The following UBE2H variants were observed in gnomAD, a reference collection of about 807,000 sequenced individuals.
The protein encoded by UBE2H is ubiquitin conjugating enzyme E2 H.
In UBE2H, 3 loss-of-function variants were observed where a neutral mutation model predicts 29.0. The ratio of observed to expected loss-of-function variants is 0.10; its 90% CI spans 0.05 to 0.27. UBE2H has a LOEUF of 0.27. Among genes scored for constraint, UBE2H ranks in the 10% least tolerant of loss-of-function variants. The pLI is 1.00. For missense variants in UBE2H, 68 were observed against 228.2 expected (o/e 0.30, Z 4.52); for synonymous variants, 69 against 82.9 (o/e 0.83, Z 0.91).
chr7:129,942,436 G>A (rs1313110376), intron 1 of UBE2H, among the ~76,000 whole-genome samples: 4 of 152,046 alleles, frequency 2.6e-5, no homozygotes, highest in African/African-American at 4.8e-5. Context: ...GCAGTGAGCC[G>A]AGATCATGCC....
intron 5 of UBE2H, among the ~76,000 whole-genome samples, chr7:129,844,066 C>A (rs1805472433): frequency 6.6e-6 from 1 of 152,178 alleles, no homozygotes; most frequent in African/African-American, 2.4e-5. Context: ...TTGTTCCAAA[C>A]AAATAAAAGA....
chr7:129,947,571 T>C (rs920590769), intron 1 of UBE2H, among the ~76,000 whole-genome samples: 17 of 152,224 alleles, frequency 1.1e-4, no homozygotes, highest in African/African-American at 4.1e-4. Context: ...GCTACATATT[T>C]TAATATTTTA....
chr7:129,836,276 T>C (rs575170263), intron 6 of UBE2H, among the ~76,000 whole-genome samples: 58 of 152,344 alleles, frequency 3.8e-4, no homozygotes, highest in African/African-American at 1.3e-3. Flanking sequence ...TTTTTGACAC[T>C]AGAATTTGAT....
chr7:129,912,801 T>C (rs1028693805), intron 1 of UBE2H, among the ~76,000 whole-genome samples: 2 of 152,208 alleles, frequency 1.3e-5, no homozygotes, highest in Non-Finnish European at 2.9e-5. Flanking sequence ...CCTCAGTTTT[T>C]CCATTTGAGA....
Position 129,839,309 on chromosome 7 carries a change from G to A in UBE2H, c.325C>T (p.Leu109=). 6.2e-7 allele frequency: 1 copy of A among 1,613,682 alleles called. No homozygotes were observed. The highest frequency in any genetic ancestry group is 8.5e-7 in the Non-Finnish European group (1 of 1,179,870). ...TTAGGATAGGCCAATAACTGAGGCA[G>A]GAAGGACTCAAATATATTGGTAAGA... ...YDLTNIFESF[L]PQLLAYPNPI... is the part of the protein sequence containing the mutation. The change falls in exon 6 of 7, where the codon CTG becomes TTG. Residue 109 remains leucine (L), a synonymous_variant. Transcript: ENST00000355621.
At chr7:129,859,075 CA>C in intron 3 of UBE2H, 134 bp from the exon 4 acceptor site, 1 of 679,364 alleles carries the variant, frequency 1.5e-6, no homozygotes. Context: ...TTAGATCTTT[CA>C]TTACTGATAA....
rs541622953 is a variant in UBE2H at position 129,942,698 on chromosome 7, T to TA, written c.53+9804dup. ...TTCACTAGAAATGCTAAAGAAATGT[T>TA]AAAAAAAATCTTATCAATACTTTAC... On this transcript the variant is annotated intron_variant, in intron 1 of 6. Transcript: ENST00000355621. 4.7e-4 allele frequency among the ~76,000 whole-genome samples: 71 copies of TA among 152,124 alleles called. No individual in the cohort carries two copies. In the East Asian group the frequency reaches 8.5e-3, roughly 18 times the overall value.
intron 1 of UBE2H, among the ~76,000 whole-genome samples, chr7:129,946,028 G>A (rs2116530362): frequency 6.6e-6 from 1 of 151,448 alleles, no homozygotes; most frequent in Admixed American, 6.6e-5. Flanking sequence ...GTATAGGCAT[G>A]AGCCACTGTG....
At chr7:129,849,435 G>A (rs761855902) in intron 5 of UBE2H, among the ~76,000 whole-genome samples, 34 of 152,144 alleles carry the variant, frequency 2.2e-4, no homozygotes, top group Admixed American at 4.6e-4. Flanking sequence ...AAAATTAGTC[G>A]GGTTTGGTGG....
rs3839653 is a variant in UBE2H at position 129,875,854 on chromosome 7, GTC to G, written c.205+3712_205+3713del. 7.5e-4 allele frequency among the ~76,000 whole-genome samples: 114 copies of G among 152,332 alleles called. 3 individuals are homozygous for G. In the East Asian group the frequency reaches 0.02, roughly 27 times the overall value. ...ACCTCGAGAAGTGTGAGCTATGGCA[GTC>G]TCTGCAGCAATTTCTTTGCATAAAA... On this transcript the variant is annotated intron_variant, in intron 3 of 6. Transcript: ENST00000355621.
At chr7:129,946,281 A>C (rs574310649) in intron 1 of UBE2H, among the ~76,000 whole-genome samples, 49 of 151,512 alleles carry the variant, frequency 3.2e-4, no homozygotes, top group Non-Finnish European at 5.9e-5. Context: ...GGATGGTCTC[A>C]ATCTCCTGAC....
intron 3 of UBE2H, among the ~76,000 whole-genome samples, chr7:129,867,555 C>T (rs1287348008): frequency 1.5e-4 from 6 of 39,140 alleles, no homozygotes; most frequent in Non-Finnish European, 2.8e-4. Context: ...GTGGTGGGGT[C>T]GGGGGAGGGG....
chr7:129,889,438 T>C (rs1212586562), intron 1 of UBE2H, among the ~76,000 whole-genome samples: 3 of 152,074 alleles, frequency 2.0e-5, no homozygotes, highest in African/African-American at 7.2e-5. Context: ...AAAAAGCAGA[T>C]CTCCAAATCA....
chr7:129,880,977 G>A lies in UBE2H; in HGVS notation c.54-6C>T. 1 of 1,611,764 alleles carries A rather than the reference G, an allele frequency of 6.2e-7. No homozygotes were observed. The highest frequency in any genetic ancestry group is 8.5e-7 in the Non-Finnish European group (1 of 1,179,164). ...CCTCATGTTTACTCTCGATGCTAAG[G>A]TGGACGGTAAAGGAAATTACACAGG... On this transcript the variant is annotated splice_polypyrimidine_tract_variant and splice_region_variant and intron_variant, in intron 1 of 6. Transcript: ENST00000355621.
At chr7:129,933,792 C>A (rs1807456436) in intron 1 of UBE2H, among the ~76,000 whole-genome samples, 1 of 152,144 alleles carries the variant, frequency 6.6e-6, no homozygotes. Context: ...TTATTCTAAT[C>A]CGTTTAACAG....
At chr7:129,950,453 C>G (rs563449673) in intron 1 of UBE2H, among the ~76,000 whole-genome samples, 7 of 152,256 alleles carry the variant, frequency 4.6e-5, no homozygotes, top group African/African-American at 1.7e-4. Context: ...CTCCACCCCC[C>G]ACACCCCGAC....
chr7:129,833,271 C>T lies in UBE2H; in HGVS notation c.*1666G>A, dbSNP rs1805263920. On this transcript the variant is annotated 3_prime_UTR_variant, in exon 7 of 7. Transcript: ENST00000355621. The stretch of plus-strand genomic sequence containing the variant: ...TTGAATAAAAAAGATAGGGTATCTT[C>T]CAACCTCACTGACTTAAACCTTGTG... 1 of 152,592 alleles carries T rather than the reference C, an allele frequency of 6.6e-6. No homozygotes were observed. The highest frequency in any genetic ancestry group is 1.5e-5 in the Non-Finnish European group (1 of 68,040). 9.5% of individuals were successfully genotyped at this position (152,592 alleles called of 1,614,324 possible). A position where few individuals can be genotyped will look rare whatever the true frequency, so the allele number is the denominator to read the frequency against.
intron 1 of UBE2H, among the ~76,000 whole-genome samples, chr7:129,898,170 G>A (rs899446851): frequency 6.6e-6 from 1 of 152,172 alleles, no homozygotes; most frequent in African/African-American, 2.4e-5. Flanking sequence ...AAAGTAGACT[G>A]TATCTAGGTG....
intron 5 of UBE2H, among the ~76,000 whole-genome samples, chr7:129,847,359 A>G (rs1385810317): frequency 6.6e-6 from 1 of 152,142 alleles, no homozygotes; most frequent in Non-Finnish European, 1.5e-5. Context: ...TTTTAAAGGA[A>G]TAAGTCTACT....
Sources: allele counts gnomAD v4.1 joint callset (sites outside exome capture counted in the v4.1 genomes callset), GRCh38; gene constraint gnomAD v4.1.1; transcripts MANE v1.5; gene names NCBI Gene and HGNC (gene_info 2026-07-23, HGNC 2026-07-21).